TTC39B: variants seen among roughly 807,000 people sequenced by gnomAD.
The protein encoded by TTC39B is tetratricopeptide repeat domain 39B.
A neutral mutation model predicts 96.6 loss-of-function variants in TTC39B; 92 were observed. The ratio of observed to expected loss-of-function variants is 0.95; its 90% confidence interval spans 0.80 to 1.13. The LOEUF is 1.13. TTC39B is among the 50% of genes most tolerant of loss of function. TTC39B has a pLI of 0.00. For missense variants in TTC39B, 955 were observed against 809.3 expected, an observed-to-expected ratio of 1.18 and a Z score of -2.18; for synonymous variants, 367 against 299.4, an observed-to-expected ratio of 1.23 and a Z score of -2.33.
chr9:15,211,994 C>T (rs1820228404), intron 4 of TTC39B, among the ~76,000 whole-genome samples: 1 of 152,178 alleles, frequency 6.6e-6, no homozygotes, highest in Admixed American at 6.5e-5. Context: ...GTGAGAACTG[C>T]TTCAGGATTC....
chr9:15,233,646 G>C (rs892050117), intron 2 of TTC39B, among the ~76,000 whole-genome samples: 3 of 152,202 alleles, frequency 2.0e-5, no homozygotes, highest in African/African-American at 7.2e-5. Context: ...ACGGAGTCTC[G>C]TTCGCTCAGT....
chr9:15,269,061 C>T, intron 1 of TTC39B, among the ~76,000 whole-genome samples: 1 of 152,188 alleles, frequency 6.6e-6, no homozygotes, highest in East Asian at 1.9e-4. Context: ...TGTCCCCTTT[C>T]TTATAATGTC....
exon 20 of TTC39B, chr9:15,169,148 T>A (rs1456901272): frequency 6.6e-6 from 1 of 152,208 alleles, no homozygotes; most frequent in Non-Finnish European, 1.5e-5. Context: ...ATGAAAAATC[T>A]TCCTCGGCAC....
intron 2 of TTC39B, among the ~76,000 whole-genome samples, chr9:15,233,649 C>T (rs1264977749): frequency 1.3e-5 from 2 of 152,202 alleles, no homozygotes; most frequent in African/African-American, 2.4e-5. Context: ...GAGTCTCGTT[C>T]GCTCAGTGCT....
At chr9:15,246,778 G>T (rs1030802276) in intron 2 of TTC39B, among the ~76,000 whole-genome samples, 1 of 152,256 alleles carries the variant, frequency 6.6e-6, no homozygotes, top group African/African-American at 2.4e-5. Context: ...CCAGGTAAGT[G>T]AGCCATCATA....
intron 14 of TTC39B, 94 bp from the exon 15 acceptor site, chr9:15,187,129 T>A: frequency 1.1e-6 from 1 of 876,490 alleles, no homozygotes; most frequent in Non-Finnish European, 1.7e-6. Context: ...CTTCCAGATA[T>A]AAAATTAGAG....
chr9:15,181,217 G>A (rs1467311725), intron 17 of TTC39B, among the ~76,000 whole-genome samples: 1 of 152,156 alleles, frequency 6.6e-6, no homozygotes, highest in Non-Finnish European at 1.5e-5. Flanking sequence ...TGAGTTAACT[G>A]TTAAAATGTT....
chr9:15,182,622 A>G (rs1352202844), intron 16 of TTC39B, among the ~76,000 whole-genome samples: 1 of 152,236 alleles, frequency 6.6e-6, no homozygotes, highest in Non-Finnish European at 1.5e-5. Flanking sequence ...CATTCATATA[A>G]CAAATATTTA....
chr9:15,166,618 T>C (rs1817521237), exon 20 of TTC39B: 1 of 152,128 alleles, frequency 6.6e-6, no homozygotes. Context: ...ACATTTCAAG[T>C]TCAACATTTC....
intron 16 of TTC39B, among the ~76,000 whole-genome samples, chr9:15,184,200 T>C (rs534977615): frequency 2.6e-5 from 4 of 152,340 alleles, no homozygotes; most frequent in South Asian, 2.1e-4. Flanking sequence ...TCAGTACTTA[T>C]TTAAATTGGT....
chr9:15,180,170 G>A (rs982519650), intron 17 of TTC39B, among the ~76,000 whole-genome samples: 5 of 152,170 alleles, frequency 3.3e-5, no homozygotes, highest in African/African-American at 1.2e-4. Flanking sequence ...GAAGTTTGAA[G>A]CCCAAACTAC....
intron 1 of TTC39B, among the ~76,000 whole-genome samples, chr9:15,288,452 C>T (rs554831162): frequency 1.3e-5 from 2 of 152,114 alleles, no homozygotes; most frequent in Non-Finnish European, 2.9e-5. Flanking sequence ...TGAATGTCGT[C>T]GAGAGGAGTT....
At chr9:15,294,110 GTTACT>G (rs1224302802) in intron 1 of TTC39B, among the ~76,000 whole-genome samples, 2 of 152,088 alleles carry the variant, frequency 1.3e-5, no homozygotes, top group Non-Finnish European at 2.9e-5. Flanking sequence ...GTATTTGCAT[GTTACT>G]TTAAAGGCAA....
intron 1 of TTC39B, among the ~76,000 whole-genome samples, chr9:15,279,333 C>A (rs955847491): frequency 1.3e-5 from 2 of 152,194 alleles, no homozygotes; most frequent in Non-Finnish European, 2.9e-5. Context: ...GAACACAGAA[C>A]CTTATCCACT....
chr9:15,178,480 C>G (rs781267207), intron 17 of TTC39B, among the ~76,000 whole-genome samples: 1 of 152,216 alleles, frequency 6.6e-6, no homozygotes, highest in East Asian at 1.9e-4. Context: ...GAGATAGAGG[C>G]AGGAAGATCA....
intron 17 of TTC39B, among the ~76,000 whole-genome samples, chr9:15,179,537 T>C (rs1208266206): frequency 2.0e-5 from 3 of 152,236 alleles, no homozygotes; most frequent in Non-Finnish European, 4.4e-5. Flanking sequence ...ACATTACCTT[T>C]TCTATTATTT....
chr9:15,271,596 G>A (rs1185431564), intron 1 of TTC39B, among the ~76,000 whole-genome samples: 1 of 152,080 alleles, frequency 6.6e-6, no homozygotes, highest in African/African-American at 2.4e-5. Context: ...GATCTAACAC[G>A]GGGTGGAGCT....
intron 2 of TTC39B, among the ~76,000 whole-genome samples, chr9:15,242,298 C>T (rs1586945212): frequency 1.3e-5 from 2 of 152,266 alleles, no homozygotes; most frequent in East Asian, 3.9e-4. Context: ...ACGGGAAATG[C>T]AGGCTGGGCA....
intron 2 of TTC39B, among the ~76,000 whole-genome samples, chr9:15,251,025 A>C (rs1257935254): frequency 1.3e-5 from 2 of 151,820 alleles, no homozygotes; most frequent in South Asian, 4.2e-4. Context: ...CTGAAACCCC[A>C]TCTCTACTAA....
Sources: allele counts gnomAD v4.1 joint callset (sites outside exome capture counted in the v4.1 genomes callset), GRCh38; gene constraint gnomAD v4.1.1; transcripts MANE v1.5; gene names NCBI Gene and HGNC (gene_info 2026-07-23, HGNC 2026-07-21).